Variants in KATNA1 observed in about 807,000 individuals in gnomAD.
The protein encoded by KATNA1 is katanin p60 ATPase-containing subunit A1.
KATNA1 carries 42 observed loss-of-function variants against 62.6 expected under a neutral mutation model. The observed-to-expected ratio is 0.67, with a 90% confidence interval of 0.52 to 0.87. The LOEUF is 0.87. KATNA1 is among the 40% of genes least tolerant of loss of function. The pLI is 0.00. For missense variants in KATNA1, 498 were observed against 612.5 expected, an observed-to-expected ratio of 0.81 and a Z score of 1.97; for synonymous variants, 186 against 201.9, an observed-to-expected ratio of 0.92 and a Z score of 0.67.
intron 4 of KATNA1, among the ~76,000 whole-genome samples, chr6:149,622,592 A>G (rs10782311): frequency 0.45 from 68,820 of 151,816 alleles, 16,758 homozygotes; most frequent in East Asian, 0.81. Context: ...TAAAGTTACC[A>G]AAAAAAGCCA....
At chr6:149,647,024 T>G (rs1266445042) in intron 1 of KATNA1, among the ~76,000 whole-genome samples, 1 of 152,186 alleles carries the variant, frequency 6.6e-6, no homozygotes, top group Non-Finnish European at 1.5e-5. Context: ...GAATCCCTTG[T>G]GGACTACATA....
chr6:149,618,003 A>T (rs539096639), intron 4 of KATNA1, among the ~76,000 whole-genome samples: 8 of 143,460 alleles, frequency 5.6e-5, no homozygotes, highest in South Asian at 2.1e-4. Flanking sequence ...TATATATATA[A>T]AATTAGCTGG....
intron 7 of KATNA1, among the ~76,000 whole-genome samples, chr6:149,600,728 G>A (rs539258643): frequency 6.7e-6 from 1 of 148,740 alleles, no homozygotes; most frequent in East Asian, 2.0e-4. Flanking sequence ...TTGAACCCAG[G>A]AGTTCAAGAT....
intron 10 of KATNA1, among the ~76,000 whole-genome samples, chr6:149,596,666 T>C (rs1476877106): frequency 6.6e-6 from 1 of 152,100 alleles, no homozygotes; most frequent in African/African-American, 2.4e-5. Context: ...CTCAAACTCC[T>C]GGGCTCAAGC....
In KATNA1 at chr6:149,603,301, G is replaced by T; in HGVS notation, c.696C>A (p.Pro232=). The T allele has an allele frequency of 1.3e-6, 2 of 1,587,048 alleles. No homozygotes were observed. The highest frequency in any genetic ancestry group is 1.7e-6 in the Non-Finnish European group (2 of 1,160,580). ...GTCTCCTAATGCCCTTAAAGAATTC[G>T]GGCATCCACATTGGTAACACTACGG... ...KEAVVLPMWM[P]EFFKGIRRPW... is the part of the protein sequence containing the mutation. Residue 232 remains proline, a synonymous_variant, in exon 6 of 11, where the codon CCC becomes CCA. Transcript: ENST00000367411.
At chr6:149,604,377 G>C (rs1778653342) in intron 5 of KATNA1, among the ~76,000 whole-genome samples, 1 of 152,098 alleles carries the variant, frequency 6.6e-6, no homozygotes, top group Non-Finnish European at 1.5e-5. Context: ...GTGGCAGGAG[G>C]ATCACTTGAG....
intron 10 of KATNA1, 27 bp from the exon 11 acceptor site, chr6:149,595,261 A>T: frequency 6.3e-7 from 1 of 1,578,468 alleles, no homozygotes; most frequent in Non-Finnish European, 8.7e-7. Flanking sequence ...AAACAACAAC[A>T]ACACACACAA....
chr6:149,598,143 G>A (rs1022518737), intron 8 of KATNA1, 81 bp downstream of exon 8: 41 of 1,502,072 alleles, frequency 2.7e-5, no homozygotes, highest in Non-Finnish European at 3.6e-5. Context: ...AGCACTATGA[G>A]TAAAGTTTGA....
At chr6:149,602,841 C>T (rs1050518811) in intron 6 of KATNA1, among the ~76,000 whole-genome samples, 1 of 151,958 alleles carries the variant, frequency 6.6e-6, no homozygotes, top group Admixed American at 6.6e-5. Context: ...CCTGCCTCAG[C>T]CTCCCGGATA....
chr6:149,599,201 TTATG>T (rs1409927467), intron 7 of KATNA1, among the ~76,000 whole-genome samples: 1 of 152,124 alleles, frequency 6.6e-6, no homozygotes, highest in East Asian at 1.9e-4. Context: ...ACTTGGGTCT[TTATG>T]TATAAATATT....
chr6:149,632,596 A>C (rs1010362976), intron 3 of KATNA1, among the ~76,000 whole-genome samples, 163 bp downstream of exon 3: 1 of 152,158 alleles, frequency 6.6e-6, no homozygotes, highest in Non-Finnish European at 1.5e-5. Context: ...GAAATAGGTC[A>C]AAAAGGCACA....
chr6:149,620,330 A>G lies in KATNA1; in HGVS notation c.501+2773T>C, dbSNP rs144979190. Among the ~76,000 whole-genome samples the G allele has an allele frequency of 3.6e-3, 551 of 152,200 alleles. 3 individuals carry two copies. Among genetic ancestry groups the G allele is most frequent in the African/African-American group, 0.013 (525 of 41,538 alleles). On this transcript the variant is annotated intron_variant, in intron 4 of 10. Coordinates refer to ENST00000367411, the MANE Select transcript of KATNA1 (RefSeq NM_007044.4). ...TTTAATTTTTTTGAGACAGAGTCTCACTTTGTCTCCCAGGCTGGAGTGCAG... is the reference window on the plus strand; with the variant it reads ...TTTAATTTTTTTGAGACAGAGTCTCGCTTTGTCTCCCAGGCTGGAGTGCAG...
At chr6:149,638,733 T>TG (rs1232962217) in intron 1 of KATNA1, 173 bp from the exon 2 acceptor site, 1 of 330,362 alleles carries the variant, frequency 3.0e-6, no homozygotes, top group Non-Finnish European at 5.4e-6. Context: ...AAACATTGTT[T>TG]TTTTTTTTTT....
intron 3 of KATNA1, among the ~76,000 whole-genome samples, chr6:149,623,986 A>G (rs979746901): frequency 2.0e-5 from 3 of 152,220 alleles, no homozygotes; most frequent in African/African-American, 4.8e-5. Context: ...CATTTATCCA[A>G]TGGTATGTAT....
At chr6:149,608,648 A>G (rs1420786153) in intron 4 of KATNA1, among the ~76,000 whole-genome samples, 1 of 152,204 alleles carries the variant, frequency 6.6e-6, no homozygotes, top group Non-Finnish European at 1.5e-5. Flanking sequence ...AAGAAGCTGA[A>G]ACTTTCATTC....
chr6:149,608,569 A>G (rs941621380), intron 4 of KATNA1, among the ~76,000 whole-genome samples: 3 of 152,186 alleles, frequency 2.0e-5, no homozygotes, highest in African/African-American at 7.2e-5. Flanking sequence ...AAGGCCTAGG[A>G]CTTTCTACTT....
At chr6:149,612,264 T>C (rs1341863082) in intron 4 of KATNA1, among the ~76,000 whole-genome samples, 1 of 152,048 alleles carries the variant, frequency 6.6e-6, no homozygotes, top group Admixed American at 6.6e-5. Context: ...TCCCAGCACT[T>C]TGGGAGGCCG....
chr6:149,637,955 T>G (rs1388914002), intron 2 of KATNA1, among the ~76,000 whole-genome samples: 4 of 152,202 alleles, frequency 2.6e-5, no homozygotes, highest in African/African-American at 9.6e-5. Context: ...ATCTGTGTAA[T>G]AACTCACATA....
chr6:149,637,625 A>G (rs1780117222), intron 2 of KATNA1, among the ~76,000 whole-genome samples: 1 of 151,956 alleles, frequency 6.6e-6, no homozygotes, highest in Non-Finnish European at 1.5e-5. Flanking sequence ...TCAGGAGTTC[A>G]ACACCAGCCT....
Sources: gnomAD v4.1 joint callset for allele counts (sites outside exome capture counted in the v4.1 genomes callset) on GRCh38, gnomAD v4.1.1 for gene constraint, MANE v1.5 for transcripts, NCBI Gene and HGNC (gene_info 2026-07-23, HGNC 2026-07-21) for gene names.